The following RIMS2 variants were observed in gnomAD, a reference collection of about 807,000 sequenced individuals.
The protein encoded by RIMS2 is regulating synaptic membrane exocytosis protein 2.
In RIMS2, 59 loss-of-function variants were observed where a neutral mutation model predicts 174.4. The ratio of observed to expected loss-of-function variants is 0.34; its 90% CI spans 0.27 to 0.42. RIMS2 has a LOEUF of 0.42. RIMS2 is among the 10% of genes least tolerant of loss of function. RIMS2 has a pLI of 1.00. For synonymous variants in RIMS2, 606 were observed against 572.5 expected (o/e 1.06, Z -0.84); for missense variants, 1,620 against 1,666.3 (o/e 0.97, Z 0.48).
chr8:103,874,003 C>G (rs2099124159), intron 3 of RIMS2, among the ~76,000 whole-genome samples: 1 of 152,048 alleles, frequency 6.6e-6, no homozygotes, highest in African/African-American at 2.4e-5. Context: ...CTCATTGAAA[C>G]TTCAGAAGTA....
intron 1 of RIMS2, among the ~76,000 whole-genome samples, chr8:103,610,378 G>A (rs1171377470): frequency 6.6e-6 from 1 of 152,146 alleles, no homozygotes; most frequent in East Asian, 1.9e-4. Context: ...TTGAATAGGA[G>A]TGGTGATAGA....
chr8:103,579,713 C>T lies in RIMS2; in HGVS notation c.176+78651C>T, dbSNP rs7005596. Among the ~76,000 whole-genome samples the T allele has an allele frequency of 5.1e-3, 769 of 152,204 alleles. 7 individuals carry two copies. Among genetic ancestry groups the T allele is most frequent in the African/African-American group, 0.018 (729 of 41,540 alleles). On this transcript the variant is annotated intron_variant, in intron 1 of 23. Transcript: ENST00000504942. ...GCCAATTAAAATATAATACCAGAAG[C>T]GTTGCTTAACCACTGTATTAGTCTG...
At chr8:103,680,350 C>T (rs2096864618) in intron 1 of RIMS2, among the ~76,000 whole-genome samples, 1 of 151,770 alleles carries the variant, frequency 6.6e-6, no homozygotes, top group Non-Finnish European at 1.5e-5. Context: ...ACATTAAATC[C>T]CTGCATCACA....
At chr8:104,070,187 A>G (rs769481387) in intron 19 of RIMS2, among the ~76,000 whole-genome samples, 16 of 152,236 alleles carry the variant, frequency 1.1e-4, no homozygotes, top group African/African-American at 3.4e-4. Flanking sequence ...ATAAGACAAC[A>G]TAGAGAAGGC....
Position 103,643,357 on chromosome 8 carries a change from G to A in RIMS2, c.177-53729G>A, listed in dbSNP as rs139256608. 4.7e-4 allele frequency among the ~76,000 whole-genome samples: 72 copies of A among 151,950 alleles called. 4 individuals are homozygous for A. In the East Asian group the frequency reaches 0.014, roughly 29 times the overall value. ...TGGAACTCTTAGTATATTAACCACA[G>A]CTATTTTTCTCAGTCTAGCAATTCC... On this transcript the variant is annotated intron_variant, in intron 1 of 23. Coordinates refer to ENST00000504942, the Ensembl canonical transcript of RIMS2.
At chr8:104,117,978 T>A (rs2098306767) in intron 19 of RIMS2, among the ~76,000 whole-genome samples, 1 of 152,160 alleles carries the variant, frequency 6.6e-6, no homozygotes, top group Non-Finnish European at 1.5e-5. Context: ...TTGTTTAGAA[T>A]CATATCAAGA....
At chr8:104,205,003 G>C (rs748996738) in intron 19 of RIMS2, among the ~76,000 whole-genome samples, 5 of 152,148 alleles carry the variant, frequency 3.3e-5, no homozygotes, top group Non-Finnish European at 7.4e-5. Flanking sequence ...AGGATATGGA[G>C]CTAATGGTTT....
intron 19 of RIMS2, among the ~76,000 whole-genome samples, chr8:104,235,349 A>G (rs72685065): frequency 6.6e-6 from 1 of 152,242 alleles, no homozygotes; most frequent in Non-Finnish European, 1.5e-5. Context: ...CATCTATATT[A>G]TTAGTCAACT....
chr8:103,794,309 C>T (rs545363950), intron 3 of RIMS2, among the ~76,000 whole-genome samples: 8 of 152,116 alleles, frequency 5.3e-5, no homozygotes, highest in African/African-American at 1.2e-4. Flanking sequence ...CTTTGACAAA[C>T]GGAACAAAAA....
At chr8:103,860,273 G>A (rs1159597214) in intron 3 of RIMS2, among the ~76,000 whole-genome samples, 2 of 152,132 alleles carry the variant, frequency 1.3e-5, no homozygotes, top group Non-Finnish European at 2.9e-5. Context: ...AACACACTGG[G>A]CCCAAATTTA....
intron 3 of RIMS2, among the ~76,000 whole-genome samples, chr8:103,786,119 C>A (rs2098441131): frequency 6.6e-6 from 1 of 151,842 alleles, no homozygotes; most frequent in Non-Finnish European, 1.5e-5. Flanking sequence ...TGGTGATATC[C>A]CCTTTATCAT....
At chr8:103,957,996 A>C (rs2088139757) in intron 14 of RIMS2, among the ~76,000 whole-genome samples, 1 of 152,186 alleles carries the variant, frequency 6.6e-6, no homozygotes, top group Admixed American at 6.5e-5. Context: ...CAGTATGGTG[A>C]TTCCTCATAG....
At chr8:103,610,905 C>T (rs1407218123) in intron 1 of RIMS2, among the ~76,000 whole-genome samples, 1 of 152,134 alleles carries the variant, frequency 6.6e-6, no homozygotes, top group African/African-American at 2.4e-5. Flanking sequence ...ATGGTATCAA[C>T]TCTTTTCTAT....
chr8:103,660,405 G>C (rs2136066561), intron 1 of RIMS2, among the ~76,000 whole-genome samples: 1 of 152,248 alleles, frequency 6.6e-6, no homozygotes, highest in South Asian at 2.1e-4. Context: ...CCTTCTGTAG[G>C]TGCCATCTCT....
chr8:103,551,581 T>G (rs1288641472), intron 1 of RIMS2, among the ~76,000 whole-genome samples: 1 of 152,134 alleles, frequency 6.6e-6, no homozygotes. Context: ...TTCAGCATAG[T>G]GTTGGAAGTT....
intron 1 of RIMS2, among the ~76,000 whole-genome samples, chr8:103,527,904 C>T (rs965028093): frequency 2.0e-5 from 3 of 152,050 alleles, no homozygotes; most frequent in Admixed American, 1.3e-4. Context: ...GGGTATATAC[C>T]CAGTAACGGG....
At chr8:103,910,053 A>C in intron 4 of RIMS2, 2 of 794,688 alleles carry the variant, frequency 2.5e-6, no homozygotes. Context: ...AGGATCACAC[A>C]GTTTAAAATG....
intron 3 of RIMS2, among the ~76,000 whole-genome samples, chr8:103,877,979 C>CA (rs1300577748): frequency 1.3e-5 from 2 of 151,686 alleles, no homozygotes; most frequent in Admixed American, 1.3e-4. Context: ...GTGTCCCCAC[C>CA]AAAATCTCAT....
intron 1 of RIMS2, among the ~76,000 whole-genome samples, chr8:103,532,141 T>C (rs12542350): frequency 6.6e-6 from 1 of 152,366 alleles, no homozygotes; most frequent in East Asian, 1.9e-4. Context: ...TTAGATCATC[T>C]TCTTTCATTT....
Sources: allele counts gnomAD v4.1 joint callset (sites outside exome capture counted in the v4.1 genomes callset), GRCh38; gene constraint gnomAD v4.1.1; transcripts MANE v1.5; gene names NCBI Gene and HGNC (gene_info 2026-07-23, HGNC 2026-07-21).